The following PRR16 variants were observed in gnomAD, a reference collection of about 807,000 sequenced individuals.
PRR16 encodes the protein protein Largen.
PRR16 carries 6 observed loss-of-function variants against 18.2 expected under a neutral mutation model. The ratio of observed to expected loss-of-function variants is 0.33; its 90% CI spans 0.18 to 0.65. PRR16 has a LOEUF of 0.65. Among genes scored for constraint, PRR16 ranks in the 30% least tolerant of loss-of-function variants. PRR16 has a pLI of 0.74. For synonymous variants in PRR16, 151 were observed against 147.8 expected, an observed-to-expected ratio of 1.02 and a Z score of -0.16; for missense variants, 412 against 376.6, an observed-to-expected ratio of 1.09 and a Z score of -0.78.
intron 1 of PRR16, among the ~76,000 whole-genome samples, chr5:120,471,294 T>C (rs1749261449): frequency 6.6e-6 from 1 of 152,180 alleles, no homozygotes; most frequent in Non-Finnish European, 1.5e-5. Flanking sequence ...ATATTCTGGC[T>C]GAGAAAATAA....
intron 1 of PRR16, among the ~76,000 whole-genome samples, chr5:120,492,743 T>A (rs1336980304): frequency 6.6e-6 from 1 of 152,104 alleles, no homozygotes; most frequent in East Asian, 1.9e-4. Flanking sequence ...CCACAGTCCG[T>A]TATATCACTC....
the PRR16 span, among the ~76,000 whole-genome samples, chr5:120,755,066 A>G: frequency 9.9e-5 from 15 of 151,044 alleles, no homozygotes; most frequent in Admixed American, 3.3e-4. Context: ...GGGGAGGGTA[A>G]CATTAGGAGA....
the PRR16 span, among the ~76,000 whole-genome samples, chr5:120,775,901 GT>G: frequency 6.7e-6 from 1 of 149,786 alleles, no homozygotes; most frequent in Non-Finnish European, 1.5e-5. Flanking sequence ...ACCCACCTTG[GT>G]CTCCCAAAGT....
intron 1 of PRR16, among the ~76,000 whole-genome samples, chr5:120,580,358 G>A (rs1217681202): frequency 3.3e-5 from 5 of 151,942 alleles, no homozygotes; most frequent in Admixed American, 3.3e-4. Flanking sequence ...TATAGTATTG[G>A]CTGTGGGTTT....
chr5:120,483,335 A>G (rs546671530), intron 1 of PRR16, among the ~76,000 whole-genome samples: 33 of 152,248 alleles, frequency 2.2e-4, no homozygotes, highest in African/African-American at 6.3e-4. Flanking sequence ...ATGAAAAAAA[A>G]TCAGTTTGGA....
In PRR16 at chr5:120,464,637, C is replaced by A; in HGVS notation, c.151C>A (p.Leu51Ile). The A allele has an allele frequency of 6.4e-7, 1 of 1,562,914 alleles. No individual in the cohort carries two copies. Among genetic ancestry groups the A allele is most frequent in the Non-Finnish European group, 8.6e-7 (1 of 1,161,800 alleles). Residue 51 changes from leucine to isoleucine, a missense_variant, in exon 1 of 2, where the codon CTT (leucine) becomes ATT (isoleucine). Leu to Ile is a conservative substitution (Grantham distance 5). Coordinates refer to ENST00000407149, the MANE Select transcript of PRR16 (RefSeq NM_001300783.2). Reference sequence around the variant, plus strand: ...CGACCTGAAGGACGTGGCCAAGGAACTTAAGGAGGTGAGAGGCGCAGGGGT... The same window carrying A: ...CGACCTGAAGGACGTGGCCAAGGAAATTAAGGAGGTGAGAGGCGCAGGGGT... ...LGDLKDVAKELKEVVDQIDTL... is the reference protein window; with the variant it reads ...LGDLKDVAKEIKEVVDQIDTL...
At chr5:120,772,759 C>T in the PRR16 span, among the ~76,000 whole-genome samples, 1 of 152,178 alleles carries the variant, frequency 6.6e-6, no homozygotes, top group African/African-American at 2.4e-5. Context: ...ATCTCATTTA[C>T]AGTCTTTGAT....
At chr5:120,538,921 C>G (rs1003898862) in intron 1 of PRR16, among the ~76,000 whole-genome samples, 7 of 152,116 alleles carry the variant, frequency 4.6e-5, no homozygotes, top group African/African-American at 1.7e-4. Flanking sequence ...TGAGTTTGTT[C>G]CCTGGAGGAA....
rs373655764 is a variant in PRR16 at position 120,599,592 on chromosome 5, T to A, written c.160-86362T>A. On this transcript the variant is annotated intron_variant, in intron 1 of 1. Coordinates refer to ENST00000407149, the MANE Select transcript of PRR16 (RefSeq NM_001300783.2). ...TTGTCACAGTATTCTAAAACATCTT[T>A]ACTTGGAGTGACTTTTTGTTTCACT... Among the ~76,000 whole-genome samples, 5 of 152,080 alleles carry A rather than the reference T, an allele frequency of 3.3e-5. No individual in the cohort carries two copies. In the East Asian group the frequency reaches 5.8e-4, roughly 18 times the overall value.
intron 1 of PRR16, among the ~76,000 whole-genome samples, chr5:120,498,636 G>GT (rs58898281): frequency 6.9e-4 from 102 of 147,360 alleles, no homozygotes; most frequent in Middle Eastern, 3.5e-3. Flanking sequence ...TTCGAAGGCT[G>GT]TTTTTTTTTT....
intron 1 of PRR16, among the ~76,000 whole-genome samples, chr5:120,633,061 T>C (rs920852296): frequency 1.3e-5 from 2 of 150,392 alleles, no homozygotes; most frequent in African/African-American, 4.8e-5. Context: ...ATAGAAGAGA[T>C]TGAGGGCCTA....
chr5:120,741,949 T>G, the PRR16 span, among the ~76,000 whole-genome samples: 1 of 152,134 alleles, frequency 6.6e-6, no homozygotes, highest in Non-Finnish European at 1.5e-5. Context: ...TCTATTCTGT[T>G]TTTTTGCCAA....
the PRR16 span, among the ~76,000 whole-genome samples, chr5:120,709,717 A>T: frequency 2.6e-5 from 4 of 152,118 alleles, no homozygotes; most frequent in Non-Finnish European, 4.4e-5. Flanking sequence ...CAGCTCACAT[A>T]TGAGTGAGAA....
intron 1 of PRR16, among the ~76,000 whole-genome samples, chr5:120,479,125 G>T (rs1294464274): frequency 6.6e-6 from 1 of 152,014 alleles, no homozygotes; most frequent in Non-Finnish European, 1.5e-5. Flanking sequence ...AGATACTAAA[G>T]TACTACAGTC....
chr5:120,715,171 T>A, the PRR16 span, among the ~76,000 whole-genome samples: 1 of 152,196 alleles, frequency 6.6e-6, no homozygotes, highest in Non-Finnish European at 1.5e-5. Context: ...TCATCTCCTC[T>A]GTTAGGAGTC....
At chr5:120,548,240 C>T (rs1159706255) in intron 1 of PRR16, among the ~76,000 whole-genome samples, 2 of 152,100 alleles carry the variant, frequency 1.3e-5, no homozygotes, top group African/African-American at 4.8e-5. Flanking sequence ...TAAATATATT[C>T]ACTTTCTTGA....
the PRR16 span, among the ~76,000 whole-genome samples, chr5:120,713,500 T>C: frequency 1.3e-5 from 2 of 152,148 alleles, no homozygotes; most frequent in African/African-American, 4.8e-5. Flanking sequence ...TTTTAAAAAA[T>C]AGTAAAATCC....
intron 1 of PRR16, among the ~76,000 whole-genome samples, chr5:120,580,639 T>C (rs2112753977): frequency 6.6e-6 from 1 of 152,062 alleles, no homozygotes; most frequent in Admixed American, 6.6e-5. Context: ...GTATTTTTAG[T>C]AGAGATGAGG....
chr5:120,688,882 A>G (rs1757177985), downstream of PRR16, among the ~76,000 whole-genome samples: 1 of 152,158 alleles, frequency 6.6e-6, no homozygotes, highest in Non-Finnish European at 1.5e-5. Flanking sequence ...TGAGCCAGAC[A>G]CCTAGAAACA....
Sources: gnomAD v4.1 joint callset for allele counts (sites outside exome capture counted in the v4.1 genomes callset) on GRCh38, gnomAD v4.1.1 for gene constraint, MANE v1.5 for transcripts, NCBI Gene and HGNC (gene_info 2026-07-23, HGNC 2026-07-21) for gene names.